The following ABCB5 variants were observed in gnomAD, a reference collection of about 807,000 sequenced individuals.
ABCB5 encodes ATP-binding cassette sub-family B member 5.
ABCB5 carries 155 observed loss-of-function variants against 144.2 expected under a neutral mutation model. The observed-to-expected ratio is 1.08, with a 90% CI of 0.94 to 1.23. The LOEUF (loss-of-function observed/expected upper bound fraction) is 1.23. Among genes scored for constraint, ABCB5 ranks in the 50% most tolerant of loss-of-function variants. The pLI is 0.00. For missense variants in ABCB5, 1,830 were observed against 1,520.8 expected, an observed-to-expected ratio of 1.20 and a Z score of -3.38; for synonymous variants, 610 against 528.6, an observed-to-expected ratio of 1.15 and a Z score of -2.11.
intron 12 of ABCB5, 119 bp downstream of exon 12, chr7:20,650,266 T>G (rs1784541749): frequency 6.2e-6 from 8 of 1,299,388 alleles, no homozygotes; most frequent in African/African-American, 1.5e-5. Flanking sequence ...AGCCATATTG[T>G]TTTCTTTCCT....
At position 20,753,511 on chromosome 7, in the gene ABCB5, C is replaced by T; in HGVS notation, c.3576+5C>T. On this transcript the variant is annotated splice_donor_5th_base_variant and intron_variant, in intron 27 of 27. Transcript: ENST00000404938. ...CTCGATAATGACAGTGAGAAGGTAA[C>T]ATCATTTTCTTTTATCTCAGAATAT... is the stretch of plus-strand genomic sequence containing the variant. 2 of 1,608,302 alleles carry T rather than the reference C, an allele frequency of 1.2e-6. No homozygotes were observed. The highest frequency in any genetic ancestry group is 3.3e-4 in the Middle Eastern group (2 of 6,022).
intron 20 of ABCB5, among the ~76,000 whole-genome samples, chr7:20,721,069 T>C (rs888243723): frequency 2.6e-5 from 4 of 152,108 alleles, no homozygotes; most frequent in African/African-American, 7.2e-5. Flanking sequence ...AAATACATTA[T>C]TGAGACAACT....
At chr7:20,714,914 C>A (rs537490011) in intron 20 of ABCB5, among the ~76,000 whole-genome samples, 1 of 152,288 alleles carries the variant, frequency 6.6e-6, no homozygotes, top group South Asian at 2.1e-4. Context: ...AGTGACATGA[C>A]TCTCAAATAT....
At chr7:20,647,414 CT>C in intron 9 of ABCB5, 120 bp from the exon 10 acceptor site, 2 of 1,388,158 alleles carry the variant, frequency 1.4e-6, no homozygotes, top group Non-Finnish European at 1.9e-6. Context: ...ATCTTCCATT[CT>C]TTCTTACCTA....
intron 24 of ABCB5, among the ~76,000 whole-genome samples, chr7:20,740,905 A>C (rs1238447485): frequency 6.6e-6 from 1 of 152,028 alleles, no homozygotes; most frequent in Non-Finnish European, 1.5e-5. Context: ...TCAGGAGTTC[A>C]AGTTCAGCCT....
In ABCB5 at chr7:20,650,062, C is replaced by G. The variant is rs1784532673; in HGVS notation, c.1247C>G (p.Thr416Arg). The G allele has an allele frequency of 6.2e-7, 1 of 1,613,516 alleles. No individual in the cohort carries two copies. The highest frequency in any genetic ancestry group is 8.5e-7 in the Non-Finnish European group (1 of 1,179,638). ...GLNLRIKSGE[T>R]VALVGLNGSG... is the part of the protein sequence containing the mutation. ...AATCTCAGAATTAAGTCTGGAGAGACAGTCGCCTTGGTCGGTCTCAATGGC... is the reference window on the plus strand; with the variant it reads ...AATCTCAGAATTAAGTCTGGAGAGAGAGTCGCCTTGGTCGGTCTCAATGGC... The change falls in exon 12 of 28, where the codon ACA becomes AGA. Residue 416 changes from threonine (T) to arginine (R), a missense_variant. Thr to Arg is a moderately conservative substitution (Grantham distance 71). Transcript: ENST00000404938.
Position 20,755,786 on chromosome 7 carries a change from AT to A in ABCB5, c.*167del. 1 of 714,316 alleles carries A rather than the reference AT, an allele frequency of 1.4e-6. No homozygotes were observed. The highest frequency in any genetic ancestry group is 2.2e-6 in the Non-Finnish European group (1 of 456,636). The allele number at this position is 714,316 out of a possible 1,614,324, so 44.2% of individuals were successfully genotyped here. On this transcript the variant is annotated 3_prime_UTR_variant, in exon 28 of 28. Transcript: ENST00000404938. ...TATTCACACACCATCTGACCTTCAG[AT>A]TTTTAAAAGGAAGCAAAAATTTGCT...
At chr7:20,710,381 A>AAGGGG (rs1242291728) in intron 20 of ABCB5, among the ~76,000 whole-genome samples, 1 of 56,730 alleles carries the variant, frequency 1.8e-5, no homozygotes, top group African/African-American at 7.7e-5. Flanking sequence ...AAAAAAAAAA[A>AAGGGG]GTGGGGGGGG....
intron 14 of ABCB5, chr7:20,659,520 A>G: frequency 9.8e-7 from 1 of 1,016,830 alleles, no homozygotes; most frequent in Non-Finnish European, 1.2e-6. Flanking sequence ...ACTATTATTT[A>G]GTAGCAAATC....
At chr7:20,679,790 C>A (rs1785731601) in intron 14 of ABCB5, among the ~76,000 whole-genome samples, 1 of 152,106 alleles carries the variant, frequency 6.6e-6, no homozygotes, top group South Asian at 2.1e-4. Context: ...TATAGAGCAA[C>A]CATGGCTCTC....
intron 14 of ABCB5, among the ~76,000 whole-genome samples, chr7:20,670,379 AAG>A (rs751172508): frequency 0.04 from 5,731 of 141,772 alleles, 284 homozygotes; most frequent in African/African-American, 0.12. Flanking sequence ...ATTCTAAAAA[AAG>A]AAAAAGAAAA....
intron 3 of ABCB5, among the ~76,000 whole-genome samples, chr7:20,628,437 TGCTATTGTGAATAGTCA>T (rs972720780): frequency 2.6e-5 from 4 of 152,224 alleles, no homozygotes; most frequent in African/African-American, 9.6e-5. Flanking sequence ...GTTCCAAGTC[TGCTATTGTGAATAGTCA>T]GCTGCTTTGT....
intron 23 of ABCB5, among the ~76,000 whole-genome samples, chr7:20,733,548 T>C (rs1665688493): frequency 6.6e-6 from 1 of 152,024 alleles, no homozygotes; most frequent in Non-Finnish European, 1.5e-5. Context: ...AGTACCACCT[T>C]GGTATTTCCC....
At chr7:20,710,697 T>TA (rs1419910938) in intron 20 of ABCB5, among the ~76,000 whole-genome samples, 1 of 149,860 alleles carries the variant, frequency 6.7e-6, no homozygotes, top group Non-Finnish European at 1.5e-5. Context: ...TGTCTGTATT[T>TA]AGAGTGTGAT....
At chr7:20,726,232 T>C (rs1256054190) in intron 21 of ABCB5, among the ~76,000 whole-genome samples, 1 of 152,168 alleles carries the variant, frequency 6.6e-6, no homozygotes, top group Non-Finnish European at 1.5e-5. Flanking sequence ...AATGGCTTTA[T>C]CTCATAAAGA....
chr7:20,637,420 ATTT>A (rs71020651), intron 5 of ABCB5, among the ~76,000 whole-genome samples: 5 of 142,932 alleles, frequency 3.5e-5, no homozygotes, highest in African/African-American at 7.7e-5. Flanking sequence ...TGATTACTTA[ATTT>A]TTTTTTTTTT....
intron 16 of ABCB5, among the ~76,000 whole-genome samples, chr7:20,696,887 G>T (rs752081550): frequency 6.6e-6 from 1 of 152,046 alleles, no homozygotes; most frequent in Non-Finnish European, 1.5e-5. Context: ...AGAGGCAAAA[G>T]AACATCTTTA....
At chr7:20,665,768 G>GATACATACATACATAC (rs67828264) in intron 14 of ABCB5, among the ~76,000 whole-genome samples, 1 of 125,432 alleles carries the variant, frequency 8.0e-6, no homozygotes, top group Non-Finnish European at 1.6e-5. Context: ...GATAGATAGA[G>GATACATACATACATAC]ATACATACAT....
chr7:20,691,258 C>T (rs1292470926), intron 16 of ABCB5, among the ~76,000 whole-genome samples: 1 of 147,714 alleles, frequency 6.8e-6, no homozygotes, highest in Non-Finnish European at 1.5e-5. Flanking sequence ...AGTCTCGGCT[C>T]ACCGCAAACT....
Sources: gnomAD v4.1 joint callset for allele counts (sites outside exome capture counted in the v4.1 genomes callset) on GRCh38, gnomAD v4.1.1 for gene constraint, MANE v1.5 for transcripts, NCBI Gene and HGNC (gene_info 2026-07-23, HGNC 2026-07-21) for gene names.